Variants in SATL1 observed in about 807,000 individuals in gnomAD.
SATL1 encodes spermidine/spermine N(1)-acetyltransferase-like protein 1.
In SATL1, 47 loss-of-function variants were observed where a neutral mutation model predicts 51.8. The ratio of observed to expected loss-of-function variants is 0.91; its 90% CI spans 0.72 to 1.16. The LOEUF (loss-of-function observed/expected upper bound fraction) is 1.16. Among genes scored for constraint, SATL1 ranks in the 50% most tolerant of loss-of-function variants. The pLI is 0.00. For synonymous variants in SATL1, 176 were observed against 182.4 expected, an observed-to-expected ratio of 0.97 and a Z score of 0.28; for missense variants, 520 against 526.4, an observed-to-expected ratio of 0.99 and a Z score of 0.12.
rs566114314 is a variant in SATL1 at position 85,134,092 on chromosome X, A to G, written c.-312-24812T>C. 1.7e-3 allele frequency among the ~76,000 whole-genome samples: 186 copies of G among 111,566 alleles called. 1 individual carries two copies. The highest frequency in any genetic ancestry group is 5.5e-3 in the African/African-American group (168 of 30,766). On this transcript the variant is annotated intron_variant, in intron 2 of 7. Coordinates refer to ENST00000644105, the MANE Select transcript of SATL1 (RefSeq NM_001367857.2). ...AATTAAAGCTTCAAAAGCATATGTGAACTCCTAATTAATGAGTGTTTCAAT... is the reference window on the plus strand; with the variant it reads ...AATTAAAGCTTCAAAAGCATATGTGGACTCCTAATTAATGAGTGTTTCAAT...
chrX:85,166,941 ATGTGTGTGTGTGTGTG>A (rs60077558), intron 2 of SATL1, among the ~76,000 whole-genome samples: 15 of 77,576 alleles, frequency 1.9e-4, no homozygotes, highest in Admixed American at 8.6e-4. Flanking sequence ...ATATATGTGT[ATGTGTGTGTGTGTGTG>A]TGTGTGTGTG....
intron 4 of SATL1, among the ~76,000 whole-genome samples, chrX:85,097,874 A>G (rs928550626): frequency 8.9e-6 from 1 of 111,939 alleles, no homozygotes. Context: ...TTTCACTACA[A>G]AAATAAAACA....
chrX:85,213,286 C>A (rs1402766801), intron 2 of SATL1, among the ~76,000 whole-genome samples: 1 of 111,713 alleles, frequency 9.0e-6, no homozygotes, highest in East Asian at 2.8e-4. Flanking sequence ...TTAAATAATA[C>A]ATTAAATAGT....
chrX:85,216,112 T>G (rs1928037430), intron 2 of SATL1, among the ~76,000 whole-genome samples: 1 of 111,425 alleles, frequency 9.0e-6, no homozygotes, highest in African/African-American at 3.3e-5. Context: ...AAAGCTGGCA[T>G]GTACATAAAT....
chrX:85,108,227 C>T lies in SATL1; in HGVS notation c.742G>A (p.Ala248Thr), dbSNP rs757080891. The change falls in exon 3 of 8, where the codon GCA becomes ACA. Residue 248 changes from alanine (A) to threonine (T), a missense_variant. Physicochemically the swap from Ala to Thr is moderately conservative, Grantham distance 58 (BLOSUM62 0). This residue lies in a region of SATL1 where 488 missense variants were observed against 474.3 expected (regional missense o/e 1.03). Transcript: ENST00000644105. The stretch of plus-strand genomic sequence containing the variant: ...GAATCTGATAAACTTGATTGGTTTG[C>T]GTCTGGTTGGCTCATGTCTGTTTGG... The part of the protein sequence containing the change: ...KNQTDMSQPD[A>T]NQSSLSDSNQ... 11 of 1,209,238 alleles carry T rather than the reference C, an allele frequency of 9.1e-6. No homozygotes were observed. Among genetic ancestry groups the T allele is most frequent in the Middle Eastern group, 4.6e-4 (2 of 4,351 alleles).
chrX:85,100,658 C>A (rs1321629385), intron 4 of SATL1, among the ~76,000 whole-genome samples: 1 of 111,640 alleles, frequency 9.0e-6, no homozygotes, highest in Non-Finnish European at 1.9e-5. Context: ...TAATGCAGTC[C>A]CTATTAGAAT....
chrX:85,150,654 G>A (rs1361719052), intron 2 of SATL1, among the ~76,000 whole-genome samples: 10 of 111,692 alleles, frequency 9.0e-5, no homozygotes. Flanking sequence ...TGCAAGGCTG[G>A]TTCAACATAT....
chrX:85,211,085 C>A (rs761389356), intron 2 of SATL1: 13 of 111,614 alleles, frequency 1.2e-4, no homozygotes, highest in Non-Finnish European at 2.3e-4. Flanking sequence ...ACTATTTAAT[C>A]TTTTTAAATC....
At chrX:85,103,822 T>C (rs772538179) in intron 4 of SATL1, 42 bp downstream of exon 4, 5 of 941,840 alleles carry the variant, frequency 5.3e-6, no homozygotes, top group South Asian at 2.0e-5. Context: ...TAGTACTGTG[T>C]GTTTCTTTTT....
chrX:85,137,355 G>C (rs1389006552), intron 2 of SATL1, among the ~76,000 whole-genome samples: 1 of 111,200 alleles, frequency 9.0e-6, no homozygotes, highest in Non-Finnish European at 1.9e-5. Context: ...AGTGATGCTA[G>C]GGGGCAATGA....
intron 1 of SATL1, among the ~76,000 whole-genome samples, chrX:85,234,949 A>T (rs1928450435): frequency 9.0e-6 from 1 of 111,011 alleles, no homozygotes; most frequent in Non-Finnish European, 1.9e-5. Flanking sequence ...CAATAACAAG[A>T]CCCAACAATC....
intron 2 of SATL1, among the ~76,000 whole-genome samples, chrX:85,126,838 AC>A (rs768842273): frequency 6.9e-5 from 7 of 101,623 alleles, no homozygotes; most frequent in African/African-American, 1.1e-4. Flanking sequence ...CACAAGTTTT[AC>A]CCCCCCCACC....
intron 2 of SATL1, among the ~76,000 whole-genome samples, chrX:85,188,713 A>T (rs1341646030): frequency 8.9e-6 from 1 of 112,298 alleles, no homozygotes; most frequent in East Asian, 2.8e-4. Flanking sequence ...TTTGCAAAAA[A>T]TATCTTCATT....
chrX:85,141,279 C>T (rs960416236), intron 2 of SATL1, among the ~76,000 whole-genome samples: 1 of 112,021 alleles, frequency 8.9e-6, no homozygotes, highest in African/African-American at 3.2e-5. Context: ...TTAACACTCC[C>T]AGCCTCTGTT....
intron 2 of SATL1, among the ~76,000 whole-genome samples, chrX:85,154,946 G>A (rs1487442005): frequency 9.0e-6 from 1 of 111,305 alleles, no homozygotes; most frequent in Non-Finnish European, 1.9e-5. Flanking sequence ...GCAGTATAAA[G>A]GTAGTTTGAA....
chrX:85,107,957 C>T lies in SATL1; in HGVS notation c.1012G>A (p.Glu338Lys), dbSNP rs771365888. 5.8e-6 allele frequency: 7 copies of T among 1,203,747 alleles called. No homozygotes were observed. The African/African-American group carries it at 7.3e-5, about 12-fold the overall frequency. Reference sequence around the variant, plus strand: ...ATGCTTGCTTCACTCAGGACTAGTTCGCTCAGGCTTTGTGGCCACATGCCT... The same window carrying T: ...ATGCTTGCTTCACTCAGGACTAGTTTGCTCAGGCTTTGTGGCCACATGCCT... ...QPGMWPQSLS[E>K]LVLSEASISQ... Residue 338 changes from glutamate (E) to lysine (K), a missense_variant, in exon 3 of 8, where the codon GAA becomes AAA. Around this residue, in one of 3 missense-constraint regions of SATL1, gnomAD observed 488 missense variants for 474.3 expected, o/e 1.03. Transcript: ENST00000644105.
chrX:85,101,516 C>CA (rs1924893074), intron 4 of SATL1, among the ~76,000 whole-genome samples: 2 of 111,435 alleles, frequency 1.8e-5, no homozygotes, highest in Non-Finnish European at 1.9e-5. Flanking sequence ...ATGGGTATTA[C>CA]AAAAAAACAA....
chrX:85,151,379 T>C (rs1019300980), intron 2 of SATL1, among the ~76,000 whole-genome samples: 2 of 111,259 alleles, frequency 1.8e-5, no homozygotes, highest in African/African-American at 6.5e-5. Flanking sequence ...ATCATGAAAA[T>C]GGCCATACTG....
chrX:85,104,340 T>C (rs1339675188), intron 3 of SATL1, among the ~76,000 whole-genome samples: 2 of 111,937 alleles, frequency 1.8e-5, no homozygotes. Flanking sequence ...GGCTTTTTTA[T>C]TGTGGCTTTT....
Sources: gnomAD v4.1 joint callset for allele counts (sites outside exome capture counted in the v4.1 genomes callset) on GRCh38, gnomAD v4.1.1 for gene constraint, gnomAD v4.1.1 regional missense constraint, MANE v1.5 for transcripts, NCBI Gene and HGNC (gene_info 2026-07-23, HGNC 2026-07-21) for gene names.